Variants in MAP4K2 observed in about 807,000 individuals in gnomAD.
MAP4K2 encodes B lymphocyte serine/threonine protein kinase.
MAP4K2 carries 85 observed loss-of-function variants against 125.3 expected under a neutral mutation model. The ratio of observed to expected loss-of-function variants is 0.68; its 90% confidence interval spans 0.57 to 0.81. MAP4K2 has a LOEUF of 0.81. MAP4K2 is among the 40% of genes least tolerant of loss of function. The pLI, the probability that MAP4K2 is intolerant of heterozygous loss-of-function variation, is 0.00. For missense variants in MAP4K2, 923 were observed against 1,056.4 expected, an observed-to-expected ratio of 0.87 and a Z score of 1.75; for synonymous variants, 479 against 445.1, an observed-to-expected ratio of 1.08 and a Z score of -0.96.
In MAP4K2 at chr11:64,800,800, C is replaced by T. The variant is rs949554433; in HGVS notation, c.689G>A (p.Ser230Asn). 6.2e-7 allele frequency: 1 copy of T among 1,611,202 alleles called. No individual in the cohort carries two copies. The change falls in exon 10 of 32, where the codon AGC becomes AAC. Residue 230 changes from serine (S) to asparagine (N), a missense_variant. Physicochemically the swap from Ser to Asn is conservative, Grantham distance 46 (BLOSUM62 1). Around this residue, in one of 2 missense-constraint regions of MAP4K2, gnomAD observed 833 missense variants for 911.4 expected, o/e 0.91. Transcript: ENST00000294066. ...ATCTCTCAGTTTGGGCGGCTGGAAG[C>T]TGCTCTTCGACATGAGCATCAGGGC... ...MRALMLMSKS[S>N]FQPPKLRDKT... is the part of the protein sequence containing the mutation.
intron 16 of MAP4K2, 43 bp downstream of exon 16, chr11:64,797,583 G>C: frequency 6.3e-7 from 1 of 1,577,412 alleles, no homozygotes; most frequent in South Asian, 1.2e-5. Context: ...CTGGCACCAA[G>C]GCCACCTGCC....
chr11:64,786,967 C>A lies in MAP4K2; in HGVS notation c.*2570G>T, dbSNP rs1263835894. ...AAAACTCTCCAGGATATATACATAT[C>A]TTTTCAGGGTGCATGTGATAATTTA... On this transcript the variant is annotated 3_prime_UTR_variant, in exon 32 of 32. Transcript: ENST00000294066. 6.6e-6 allele frequency: 1 copy of A among 150,570 alleles called. No homozygotes were observed. Among genetic ancestry groups the A allele is most frequent in the Non-Finnish European group, 1.5e-5 (1 of 67,820 alleles). 9.3% of individuals were successfully genotyped at this position (150,570 alleles called of 1,614,324 possible).
In MAP4K2 at chr11:64,802,646, G is replaced by A. The variant is rs747681792; in HGVS notation, c.162C>T (p.Asp54=). 1.2e-6 allele frequency: 2 copies of A among 1,612,564 alleles called. No homozygotes were observed. The highest frequency in any genetic ancestry group is 3.3e-5 in the Admixed American group (2 of 59,878). ...VKIVKLDPGD[D]ISSLQQEITI... The stretch of plus-strand genomic sequence containing the variant: ...TGATTTCCTGCTGGAGGGAGCTGAT[G>A]TCGTCCCCTGGGAAGCACAAAGCAT... The change falls in exon 3 of 32, where the codon GAC becomes GAT. Residue 54 remains aspartate, a synonymous_variant. Coordinates refer to ENST00000294066, the MANE Select transcript of MAP4K2 (RefSeq NM_004579.5).
At chr11:64,801,909 T>C (rs1032484037) in intron 5 of MAP4K2, 152 bp from the exon 6 acceptor site, 17 of 1,125,476 alleles carry the variant, frequency 1.5e-5, no homozygotes, top group Middle Eastern at 2.9e-4. Context: ...AATGGACTGC[T>C]TCCGGCAACA....
chr11:64,801,053 G>T (rs1440675542), intron 8 of MAP4K2, 22 bp from the exon 9 acceptor site: 1 of 1,613,762 alleles, frequency 6.2e-7, no homozygotes, highest in Non-Finnish European at 8.5e-7. Flanking sequence ...GTCACAGATG[G>T]GATGGCCGGG....
In MAP4K2 at chr11:64,800,102, CACCTACCTCCAGCTCACAGTCCTCAGGGG is replaced by C. The variant is rs1941069579; in HGVS notation, c.893_915+6del. On this transcript the variant is annotated splice_donor_variant and splice_donor_5th_base_variant and coding_sequence_variant and intron_variant, in exon 12 of 32. Transcript: ENST00000294066. LOFTEE classifies it high-confidence loss of function. ...CCAAGACTCACTTTCCAGCCCCCCT[CACCTACCTCCAGCTCACAGTCCTCAGGGG>C]AGGGGGTCCCCAGATGAGGGTCACT... 1 of 1,592,566 alleles carries C rather than the reference CACCTACCTCCAGCTCACAGTCCTCAGGGG, an allele frequency of 6.3e-7. No individual in the cohort carries two copies. The highest frequency in any genetic ancestry group is 8.6e-7 in the Non-Finnish European group (1 of 1,169,514).
chr11:64,803,008 C>T (rs1348677213), intron 1 of MAP4K2, 46 bp downstream of exon 1: 1 of 1,576,414 alleles, frequency 6.3e-7, no homozygotes, highest in Non-Finnish European at 8.6e-7. Context: ...CCGCGGGGTG[C>T]GGGGCTGGCA....
chr11:64,792,470 C>T (rs1413988194), intron 24 of MAP4K2, 48 bp from the exon 25 acceptor site: 7 of 1,512,822 alleles, frequency 4.6e-6, no homozygotes, highest in Non-Finnish European at 6.3e-6. Flanking sequence ...CATCCATGGG[C>T]AAGGCCCCTG....
chr11:64,790,834 G>A (rs955933819), intron 27 of MAP4K2, among the ~76,000 whole-genome samples: 1 of 152,310 alleles, frequency 6.6e-6, no homozygotes, highest in African/African-American at 2.4e-5. Context: ...GCTATCATGA[G>A]GATCAGGAAT....
chr11:64,802,410 T>C lies in MAP4K2; in HGVS notation c.310+9A>G. Reference sequence around the variant, plus strand: ...TGGGGCCTGCTGGGGCCTGGAGCCCTGGCCTCACCATGGTAAATCTCCTGC... The same window carrying C: ...TGGGGCCTGCTGGGGCCTGGAGCCCCGGCCTCACCATGGTAAATCTCCTGC... On this transcript the variant is annotated intron_variant, in intron 4 of 31. Coordinates refer to ENST00000294066, the MANE Select transcript of MAP4K2 (RefSeq NM_004579.5). The C allele has an allele frequency of 6.7e-7, 1 of 1,490,122 alleles. No individual in the cohort carries two copies. Among genetic ancestry groups the C allele is most frequent in the Non-Finnish European group, 8.9e-7 (1 of 1,119,776 alleles). 92.3% of individuals were successfully genotyped at this position (1,490,122 alleles called of 1,614,324 possible).
chr11:64,802,601 G>C lies in MAP4K2; in HGVS notation c.207C>G (p.Arg69=), dbSNP rs1328317818. The change falls in exon 3 of 32, where the codon CGC becomes CGG. Residue 69 remains arginine, a synonymous_variant. Coordinates refer to ENST00000294066, the MANE Select transcript of MAP4K2 (RefSeq NM_004579.5). ...CAATGTAGGCCACCACATTGGGGTG[G>C]CGGCACTCACGCAGGATGGTGATTT... ...QQEITILREC[R]HPNVVAYIGS... 3.1e-6 allele frequency: 5 copies of C among 1,612,326 alleles called. No homozygotes were observed. The highest frequency in any genetic ancestry group is 3.4e-6 in the Non-Finnish European group (4 of 1,179,380).
In MAP4K2 at chr11:64,788,406, C is replaced by T. The variant is rs558322284; in HGVS notation, c.*1131G>A. 6.6e-6 allele frequency: 1 copy of T among 152,462 alleles called. No individual in the cohort carries two copies. The highest frequency in any genetic ancestry group is 2.4e-5 in the African/African-American group (1 of 41,450). The allele number at this position is 152,462 out of a possible 1,614,324, so 9.4% of individuals were successfully genotyped here. On this transcript the variant is annotated 3_prime_UTR_variant, in exon 32 of 32. Transcript: ENST00000294066. ...CCAGTCAAGAGCGGCTGATCAGTGC[C>T]TGGGGCAAAAGAGGATGCCCAGCCC...
rs1227780915 is a variant in MAP4K2, at chr11:64,802,554, C to T, written c.245+9G>A. 3.8e-6 allele frequency: 6 copies of T among 1,599,622 alleles called. No individual in the cohort carries two copies. The highest frequency in any genetic ancestry group is 1.7e-5 in the Admixed American group (1 of 58,236). On this transcript the variant is annotated intron_variant, in intron 3 of 31. Coordinates refer to ENST00000294066, the MANE Select transcript of MAP4K2 (RefSeq NM_004579.5). ...GCTGCCTGGGGCCAGGAGGATAAGG[C>T]AGCCTCACCTGAGGTAGCTGCCAAT...
Position 64,789,781 on chromosome 11 carries a change from G to GAAGA in MAP4K2, c.2323_2324insTCTT (p.Thr775IlefsTer8), listed in dbSNP as rs1940364042. On this transcript the variant is annotated frameshift_variant, in exon 31 of 32. Coordinates refer to ENST00000294066, the MANE Select transcript of MAP4K2 (RefSeq NM_004579.5). LOFTEE classifies it high-confidence loss of function. Reference sequence around the variant, plus strand: ...CCTTGTTTCATCTGTGATCTCCTGGGTCACCTGGGAAGACAGGTGGGAAGC... The same window carrying GAAGA: ...CCTTGTTTCATCTGTGATCTCCTGGGAAGATCACCTGGGAAGACAGGTGGGAAGC... 1 of 1,614,014 alleles carries GAAGA rather than the reference G, an allele frequency of 6.2e-7. No individual in the cohort carries two copies. Among genetic ancestry groups the GAAGA allele is most frequent in the Non-Finnish European group, 8.5e-7 (1 of 1,180,012 alleles).
chr11:64,796,571 A>G lies in MAP4K2; in HGVS notation c.1573-18T>C. Reference sequence around the variant, plus strand: ...GAAATCAGCTGGAGGCCACAGAGGGACAGATGGTCAGCACCCCAGGCCCCC... The same window carrying G: ...GAAATCAGCTGGAGGCCACAGAGGGGCAGATGGTCAGCACCCCAGGCCCCC... On this transcript the variant is annotated intron_variant, in intron 22 of 31. Transcript: ENST00000294066. The G allele has an allele frequency of 2.5e-6, 4 of 1,613,908 alleles. No homozygotes were observed. The highest frequency in any genetic ancestry group is 3.4e-6 in the Non-Finnish European group (4 of 1,180,022).
At chr11:64,796,586 C>T (rs1427916183) in intron 22 of MAP4K2, 33 bp from the exon 23 acceptor site, 1 of 1,613,880 alleles carries the variant, frequency 6.2e-7, no homozygotes, top group South Asian at 1.1e-5. Flanking sequence ...TGGTCAGCAC[C>T]CCAGGCCCCC....
chr11:64,792,193 C>CA lies in MAP4K2; in HGVS notation c.1892dup (p.Gln632AlafsTer41). Reference sequence around the variant, plus strand: ...TCACCTTCAGCAGCAGAAACTTCTGCAGCGGCTCATACCACTGCAGCAGGA... The same window carrying CA: ...TCACCTTCAGCAGCAGAAACTTCTGCAAGCGGCTCATACCACTGCAGCAGGA... On this transcript the variant is annotated frameshift_variant, in exon 26 of 32. Coordinates refer to ENST00000294066, the MANE Select transcript of MAP4K2 (RefSeq NM_004579.5). LOFTEE classifies it high-confidence loss of function. 2 of 1,611,714 alleles carry CA rather than the reference C, an allele frequency of 1.2e-6. No homozygotes were observed. The highest frequency in any genetic ancestry group is 1.7e-6 in the Non-Finnish European group (2 of 1,179,388).
In MAP4K2 at chr11:64,790,401, G is replaced by A. The variant is rs1423806125; in HGVS notation, c.2154C>T (p.Ser718=). ...TGCCCCCAGGGCACTCACGTTCAAA[G>A]CTGACTAGGATTGTGTCCCTGTCCA... ...IQVDRDTILV[S]FERCVRIVNM... is the part of the protein sequence containing the mutation. The change falls in exon 28 of 32, where the codon AGC becomes AGT. Residue 718 remains serine, a synonymous_variant. Coordinates refer to ENST00000294066, the MANE Select transcript of MAP4K2 (RefSeq NM_004579.5). The A allele has an allele frequency of 3.1e-6, 5 of 1,614,022 alleles. No individual in the cohort carries two copies. The highest frequency in any genetic ancestry group is 4.2e-6 in the Non-Finnish European group (5 of 1,180,022).
chr11:64,787,946 G>T lies in MAP4K2; in HGVS notation c.*1591C>A, dbSNP rs909607045. 1 of 152,170 alleles carries T rather than the reference G, an allele frequency of 6.6e-6. No homozygotes were observed. Among genetic ancestry groups the T allele is most frequent in the Non-Finnish European group, 1.5e-5 (1 of 68,046 alleles). The allele number at this position is 152,170 out of a possible 1,614,324, so 9.4% of individuals were successfully genotyped here. On this transcript the variant is annotated 3_prime_UTR_variant, in exon 32 of 32. Transcript: ENST00000294066. Reference sequence around the variant, plus strand: ...TTCACTTTGTATCCCTGTTACCACCGACCCCAATTTGGAAGGTGCCCCTCA... The same window carrying T: ...TTCACTTTGTATCCCTGTTACCACCTACCCCAATTTGGAAGGTGCCCCTCA...
Sources: gnomAD v4.1 joint callset for allele counts (sites outside exome capture counted in the v4.1 genomes callset) on GRCh38, gnomAD v4.1.1 for gene constraint, gnomAD v4.1.1 regional missense constraint, MANE v1.5 for transcripts, NCBI Gene and HGNC (gene_info 2026-07-23, HGNC 2026-07-21) for gene names.